The following AUTS2 variants were observed in gnomAD, a reference collection of about 807,000 sequenced individuals.
AUTS2 encodes autism susceptibility gene 2 protein.
A neutral mutation model predicts 112.4 loss-of-function variants in AUTS2; 17 were observed. The ratio of observed to expected loss-of-function variants is 0.15; its 90% confidence interval spans 0.10 to 0.23. The LOEUF is 0.23. AUTS2 is among the 10% of genes least tolerant of loss of function. AUTS2 has a pLI of 1.00. For synonymous variants in AUTS2, 751 were observed against 702.7 expected, an observed-to-expected ratio of 1.07 and a Z score of -1.09; for missense variants, 1,510 against 1,701.6, an observed-to-expected ratio of 0.89 and a Z score of 1.98.
intron 5 of AUTS2, among the ~76,000 whole-genome samples, chr7:70,657,950 C>G (rs546694656): frequency 6.6e-6 from 1 of 152,268 alleles, no homozygotes; most frequent in East Asian, 1.9e-4. Context: ...ACATCCAAGC[C>G]TCTTTGGTTT....
intron 4 of AUTS2, among the ~76,000 whole-genome samples, chr7:70,216,338 T>G (rs1211896590): frequency 6.6e-6 from 1 of 152,222 alleles, no homozygotes; most frequent in African/African-American, 2.4e-5. Context: ...ATGTTTGATT[T>G]GCTAATCCAA....
At chr7:69,813,145 G>T (rs1389820912) in intron 1 of AUTS2, among the ~76,000 whole-genome samples, 2 of 152,048 alleles carry the variant, frequency 1.3e-5, no homozygotes, top group Non-Finnish European at 2.9e-5. Flanking sequence ...TGACCCTTCA[G>T]CTTGCTTGCT....
intron 6 of AUTS2, among the ~76,000 whole-genome samples, chr7:70,731,788 TC>T (rs1292624587): frequency 6.6e-6 from 1 of 151,994 alleles, no homozygotes; most frequent in Non-Finnish European, 1.5e-5. Flanking sequence ...TTCCGTTTCT[TC>T]CTCCCCTTCC....
chr7:69,926,878 T>C (rs1165894075), intron 2 of AUTS2, among the ~76,000 whole-genome samples: 1 of 146,720 alleles, frequency 6.8e-6, no homozygotes, highest in Non-Finnish European at 1.5e-5. Context: ...TAAAGATATA[T>C]ATAAAGATAT....
At chr7:70,560,287 G>T (rs897259494) in intron 5 of AUTS2, among the ~76,000 whole-genome samples, 1 of 152,096 alleles carries the variant, frequency 6.6e-6, no homozygotes, top group Admixed American at 6.5e-5. Context: ...CCAACATTTA[G>T]ACAGACACAC....
intron 6 of AUTS2, among the ~76,000 whole-genome samples, chr7:70,757,600 GT>G (rs1282342621): frequency 6.6e-6 from 1 of 151,882 alleles, no homozygotes; most frequent in Non-Finnish European, 1.5e-5. Context: ...GGGTTTTTAA[GT>G]CAATTTTAGC....
At chr7:69,829,330 G>A (rs1322427813) in intron 1 of AUTS2, among the ~76,000 whole-genome samples, 1 of 152,096 alleles carries the variant, frequency 6.6e-6, no homozygotes, top group Non-Finnish European at 1.5e-5. Flanking sequence ...ACATAGGCAT[G>A]GGGCAAAGAT....
chr7:70,669,263 G>C (rs895171452), intron 5 of AUTS2, among the ~76,000 whole-genome samples: 130 of 152,308 alleles, frequency 8.5e-4, no homozygotes, highest in African/African-American at 3.0e-3. Context: ...GTGGTTTGCA[G>C]GTTCGTTCAT....
intron 5 of AUTS2, among the ~76,000 whole-genome samples, chr7:70,582,335 G>C (rs190814476): frequency 1.2e-4 from 19 of 152,252 alleles, no homozygotes; most frequent in African/African-American, 4.1e-4. Flanking sequence ...TCCACGTCAA[G>C]CTGAGTATAC....
chr7:70,296,467 A>G (rs1213116438), intron 4 of AUTS2, among the ~76,000 whole-genome samples: 5 of 152,238 alleles, frequency 3.3e-5, no homozygotes, highest in Non-Finnish European at 7.3e-5. Context: ...CTTTGAGTAG[A>G]TATCAAATAT....
chr7:70,521,014 C>T (rs1026911587), intron 5 of AUTS2, among the ~76,000 whole-genome samples: 1 of 152,172 alleles, frequency 6.6e-6, no homozygotes, highest in Admixed American at 6.5e-5. Flanking sequence ...TCCCACCCCA[C>T]CCCGAATTAG....
intron 4 of AUTS2, among the ~76,000 whole-genome samples, chr7:70,262,454 A>C (rs545812313): frequency 5.9e-5 from 9 of 152,198 alleles, no homozygotes; most frequent in African/African-American, 1.9e-4. Context: ...CCTTTTAAAG[A>C]CCTGACATCT....
chr7:70,283,938 A>G (rs935082025), intron 4 of AUTS2, among the ~76,000 whole-genome samples: 4 of 152,186 alleles, frequency 2.6e-5, no homozygotes, highest in Non-Finnish European at 4.4e-5. Context: ...ACAAAATCAG[A>G]TCATACTAGT....
chr7:70,151,970 C>T (rs934061903), intron 4 of AUTS2, among the ~76,000 whole-genome samples: 2 of 151,950 alleles, frequency 1.3e-5, no homozygotes, highest in Admixed American at 6.6e-5. Flanking sequence ...AGTGGTATTC[C>T]GTATGTTCAG....
intron 4 of AUTS2, among the ~76,000 whole-genome samples, chr7:70,157,698 G>T (rs2033635526): frequency 6.6e-6 from 1 of 152,180 alleles, no homozygotes; most frequent in Non-Finnish European, 1.5e-5. Context: ...GCTGGATGAT[G>T]ATGAGTCTTC....
chr7:70,717,172 T>A (rs983936211), intron 6 of AUTS2, among the ~76,000 whole-genome samples: 2 of 151,720 alleles, frequency 1.3e-5, no homozygotes, highest in African/African-American at 4.8e-5. Flanking sequence ...GCTAAGACTA[T>A]ATAGGTGCAT....
At chr7:69,879,628 A>G (rs1793956705) in intron 1 of AUTS2, among the ~76,000 whole-genome samples, 1 of 152,184 alleles carries the variant, frequency 6.6e-6, no homozygotes, top group Non-Finnish European at 1.5e-5. Context: ...AACTTATTAA[A>G]TTCTCACAAA....
intron 4 of AUTS2, among the ~76,000 whole-genome samples, chr7:70,142,318 G>C (rs1584783937): frequency 6.6e-6 from 1 of 152,148 alleles, no homozygotes; most frequent in African/African-American, 2.4e-5. Context: ...GTGGCTAAAG[G>C]ACCTTAATTT....
chr7:69,646,778 T>C (rs1459249203), intron 1 of AUTS2, among the ~76,000 whole-genome samples: 4 of 149,274 alleles, frequency 2.7e-5, no homozygotes, highest in Admixed American at 2.6e-4. Flanking sequence ...CTCTCTTCCC[T>C]GTTTGCTTTA....
Sources: allele counts gnomAD v4.1 joint callset (sites outside exome capture counted in the v4.1 genomes callset), GRCh38; gene constraint gnomAD v4.1.1; transcripts MANE v1.5; gene names NCBI Gene and HGNC (gene_info 2026-07-23, HGNC 2026-07-21).